The following ADGRV1 variants were observed in gnomAD, a reference collection of about 807,000 sequenced individuals.
ADGRV1 encodes the protein adhesion G protein-coupled receptor V1.
A neutral mutation model predicts 596.2 loss-of-function variants in ADGRV1; 359 were observed. The ratio of observed to expected loss-of-function variants is 0.60; its 90% confidence interval spans 0.55 to 0.66. The LOEUF is 0.66. Ranked by LOEUF, ADGRV1 falls within the 30% of genes least tolerant of loss-of-function variation. ADGRV1 has a pLI of 0.00. For missense variants in ADGRV1, 7,274 were observed against 7,575.6 expected (o/e 0.96, Z 1.48); for synonymous variants, 2,681 against 2,679.2 (o/e 1.00, Z -0.02).
chr5:90,840,248 A>G (rs1161531580), intron 77 of ADGRV1, among the ~76,000 whole-genome samples: 2 of 151,958 alleles, frequency 1.3e-5, no homozygotes, highest in Non-Finnish European at 2.9e-5. Flanking sequence ...CTGCATACTT[A>G]TATTTTACCA....
intron 75 of ADGRV1, among the ~76,000 whole-genome samples, chr5:90,816,301 A>T (rs1762884885): frequency 1.3e-5 from 2 of 151,490 alleles, no homozygotes; most frequent in Non-Finnish European, 2.9e-5. Context: ...TGCCTTTAGG[A>T]CCTCCCTATA....
At chr5:91,075,350 A>G (rs1307076831) in intron 86 of ADGRV1, among the ~76,000 whole-genome samples, 2 of 152,164 alleles carry the variant, frequency 1.3e-5, no homozygotes, top group Non-Finnish European at 2.9e-5. Context: ...CATGTTTTCA[A>G]TAATGCTAAC....
At chr5:90,996,865 A>T (rs1184600989) in intron 85 of ADGRV1, among the ~76,000 whole-genome samples, 1 of 152,198 alleles carries the variant, frequency 6.6e-6, no homozygotes, top group East Asian at 1.9e-4. Flanking sequence ...GAGCTTTAAG[A>T]TTTAATGACT....
chr5:90,766,240 CCT>C (rs1172227700), intron 59 of ADGRV1, among the ~76,000 whole-genome samples: 3 of 152,030 alleles, frequency 2.0e-5, no homozygotes, highest in African/African-American at 4.8e-5. Flanking sequence ...AGATTCTGCC[CCT>C]GTTTTCCCAT....
chr5:90,710,428 A>G (rs1580820487), intron 39 of ADGRV1, among the ~76,000 whole-genome samples: 1 of 152,184 alleles, frequency 6.6e-6, no homozygotes, highest in African/African-American at 2.4e-5. Context: ...ATAAAAATAA[A>G]AAGGGAAGAT....
At chr5:90,759,747 C>G (rs1210760675) in intron 58 of ADGRV1, 159 bp downstream of exon 58, 7 of 649,214 alleles carry the variant, frequency 1.1e-5, no homozygotes, top group Non-Finnish European at 1.9e-5. Context: ...GGGCAGATCA[C>G]GAGGTCAGGA....
intron 85 of ADGRV1, among the ~76,000 whole-genome samples, chr5:91,015,788 T>C (rs1783125929): frequency 6.6e-6 from 1 of 151,844 alleles, no homozygotes; most frequent in Admixed American, 6.6e-5. Context: ...ATGTGTGAGA[T>C]GACAGCGTAC....
chr5:90,823,961 AT>A (rs1174514695), intron 76 of ADGRV1, among the ~76,000 whole-genome samples: 2 of 152,188 alleles, frequency 1.3e-5, no homozygotes, highest in Non-Finnish European at 2.9e-5. Context: ...AAAGAAAAAA[AT>A]GTTTATCATT....
At chr5:90,975,375 C>T (rs1779466539) in intron 84 of ADGRV1, among the ~76,000 whole-genome samples, 1 of 152,148 alleles carries the variant, frequency 6.6e-6, no homozygotes, top group Admixed American at 6.6e-5. Flanking sequence ...GATTATAAAT[C>T]ATGCTGCTAT....
At chr5:90,750,971 A>G (rs948620387) in intron 53 of ADGRV1, among the ~76,000 whole-genome samples, 4 of 152,202 alleles carry the variant, frequency 2.6e-5, no homozygotes, top group African/African-American at 9.6e-5. Flanking sequence ...GGTGCATTAC[A>G]TTGTTAGAAA....
intron 51 of ADGRV1, 150 bp downstream of exon 51, chr5:90,745,415 A>G (rs1403401242): frequency 2.8e-6 from 2 of 710,962 alleles, no homozygotes; most frequent in African/African-American, 1.8e-5. Flanking sequence ...CATGTTTCTA[A>G]TATCTATTCT....
Position 90,853,320 on chromosome 5 carries a change from A to G in ADGRV1, c.17241A>G (p.Ser5747=). 6.2e-7 allele frequency: 1 copy of G among 1,611,154 alleles called. No individual in the cohort carries two copies. Among genetic ancestry groups the G allele is most frequent in the Non-Finnish European group, 8.5e-7 (1 of 1,178,026 alleles). ...KTILDSCPYL[S]ILALHWYPQQ... is the part of the protein sequence containing the mutation. ...TCCTTGATAGTTGCCCATATTTGTCAATATTGGCTCTTCACTGGTATCCTC... is the reference window on the plus strand; with the variant it reads ...TCCTTGATAGTTGCCCATATTTGTCGATATTGGCTCTTCACTGGTATCCTC... The change falls in exon 80 of 90, where the codon TCA becomes TCG. Residue 5747 remains serine, a synonymous_variant. Transcript: ENST00000405460.
intron 85 of ADGRV1, among the ~76,000 whole-genome samples, chr5:91,007,688 A>C (rs1412601337): frequency 6.6e-6 from 1 of 152,196 alleles, no homozygotes; most frequent in Admixed American, 6.6e-5. Flanking sequence ...GTGAAAATAC[A>C]TAAGAAAGAT....
chr5:91,082,740 G>A (rs973363260), intron 86 of ADGRV1, among the ~76,000 whole-genome samples: 14 of 152,080 alleles, frequency 9.2e-5, no homozygotes, highest in Non-Finnish European at 1.9e-4. Flanking sequence ...TCTCAACCTC[G>A]TCTATGAGCC....
intron 50 of ADGRV1, among the ~76,000 whole-genome samples, chr5:90,731,570 G>A (rs2149829569): frequency 6.6e-6 from 1 of 152,332 alleles, no homozygotes; most frequent in African/African-American, 2.4e-5. Flanking sequence ...AAAGGTATGA[G>A]CAAAGGAGAA....
At chr5:90,889,033 C>T (rs1205350900) in intron 83 of ADGRV1, among the ~76,000 whole-genome samples, 1 of 151,852 alleles carries the variant, frequency 6.6e-6, no homozygotes, top group East Asian at 1.9e-4. Context: ...AAGGTGTGTA[C>T]AATGTTGGAA....
chr5:90,605,555 A>G (rs564271778), intron 1 of ADGRV1, among the ~76,000 whole-genome samples: 25 of 151,782 alleles, frequency 1.6e-4, no homozygotes, highest in Non-Finnish European at 3.7e-4. Context: ...GGAAATGGCC[A>G]TTGTAGAATC....
At chr5:90,916,623 G>A (rs148389270) in intron 83 of ADGRV1, among the ~76,000 whole-genome samples, 4 of 135,330 alleles carry the variant, frequency 3.0e-5, no homozygotes, top group Non-Finnish European at 3.1e-5. Context: ...TTTCTTCAGC[G>A]TTCACAAATT....
At chr5:90,839,955 T>C (rs1385807376) in intron 77 of ADGRV1, among the ~76,000 whole-genome samples, 1 of 152,208 alleles carries the variant, frequency 6.6e-6, no homozygotes, top group Non-Finnish European at 1.5e-5. Flanking sequence ...GGCTCAGTAG[T>C]AAATAAATGC....
Sources: allele counts gnomAD v4.1 joint callset (sites outside exome capture counted in the v4.1 genomes callset), GRCh38; gene constraint gnomAD v4.1.1; transcripts MANE v1.5; gene names NCBI Gene and HGNC (gene_info 2026-07-23, HGNC 2026-07-21).